Variants in SLC12A4 observed in about 807,000 individuals in gnomAD.
SLC12A4 encodes the protein solute carrier family 12 member 4, also known as electroneutral potassium-chloride cotransporter 1.
A neutral mutation model predicts 119.2 loss-of-function variants in SLC12A4; 84 were observed. The observed-to-expected ratio is 0.70, with a 90% CI of 0.59 to 0.85. SLC12A4 has a LOEUF of 0.85. Among genes scored for constraint, SLC12A4 ranks in the 40% least tolerant of loss-of-function variants. The probability of loss-of-function intolerance (pLI) is 0.00; values close to 1 mark genes in which losing one functional copy is unlikely to be tolerated. For synonymous variants in SLC12A4, 599 were observed against 604.6 expected, an observed-to-expected ratio of 0.99 and a Z score of 0.14; for missense variants, 1,298 against 1,476.3, an observed-to-expected ratio of 0.88 and a Z score of 1.98.
chr16:67,952,385 C>T lies in SLC12A4; in HGVS notation c.716G>A (p.Gly239Asp). The T allele has an allele frequency of 5.6e-6, 9 of 1,614,130 alleles. No individual in the cohort carries two copies. Among genetic ancestry groups the T allele is most frequent in the Non-Finnish European group, 7.6e-6 (9 of 1,180,010 alleles). ...AGTGGCATTCGACGTGTCATGAGCA[C>T]CCGATGGGTAAAAAATGGCAGCTGG... ...APPAAIFYPS[G>D]AHDTSNATLN... The change falls in exon 7 of 24, where the codon GGT (glycine) becomes GAT (aspartate). Residue 239 changes from glycine (G) to aspartate (D), a missense_variant. Physicochemically the swap from Gly to Asp is moderately conservative, Grantham distance 94. Transcript: ENST00000316341.
chr16:67,951,525 G>A lies in SLC12A4; in HGVS notation c.1133-221C>T. 3 of 612,786 alleles carry A rather than the reference G, an allele frequency of 4.9e-6. No homozygotes were observed. The allele number at this position is 612,786 out of a possible 1,614,324, so 38.0% of individuals were successfully genotyped here. A position where few individuals can be genotyped will look rare whatever the true frequency, so the allele number is the denominator to read the frequency against. On this transcript the variant is annotated intron_variant, in intron 8 of 23. Transcript: ENST00000316341. This position sits in a 1 kb window ranked among gnomAD's most constrained non-coding sequence, Gnocchi z 5.2. ...GGTGGCTGAACCACCGTCACCCAGA[G>A]CCCGCCACTGCCCGCCTTCCACAGA...
At chr16:67,964,404 T>C (rs2151340289) in intron 1 of SLC12A4, among the ~76,000 whole-genome samples, 1 of 152,146 alleles carries the variant, frequency 6.6e-6, no homozygotes, top group Admixed American at 6.5e-5. Flanking sequence ...AGCTCGACTG[T>C]TTTTTCTGGC....
At chr16:67,955,426 A>T (rs1278820771) in intron 5 of SLC12A4, among the ~76,000 whole-genome samples, 1 of 152,212 alleles carries the variant, frequency 6.6e-6, no homozygotes, top group East Asian at 1.9e-4. Flanking sequence ...AAATTCTTTC[A>T]AAGAGTCAAT....
At position 67,946,311 on chromosome 16, in the gene SLC12A4, G is replaced by C; in HGVS notation, c.2467C>G (p.Leu823Val). The C allele has an allele frequency of 6.2e-7, 1 of 1,611,902 alleles. No individual in the cohort carries two copies. The highest frequency in any genetic ancestry group is 8.5e-7 in the Non-Finnish European group (1 of 1,180,042). ...ATGTTCTTGGGCACGAGCAGGGCCA[G>C]GTGGGCAGCCGTAGTGCAGCGCACG... ...DTVRCTTAAH[L>V]ALLVPKNIAF... Residue 823 changes from leucine (L) to valine (V), a missense_variant, in exon 19 of 24, where the codon CTG (leucine) becomes GTG (valine). Transcript: ENST00000316341.
At position 67,950,018 on chromosome 16, in the gene SLC12A4, G is replaced by A. The variant is rs1161996435; in HGVS notation, c.1630-100C>T. 2.1e-6 allele frequency: 2 copies of A among 947,368 alleles called. No individual in the cohort carries two copies. The highest frequency in any genetic ancestry group is 4.4e-5 in the Admixed American group (2 of 45,052). The allele number at this position is 947,368 out of a possible 1,614,324, so 58.7% of individuals were successfully genotyped here. A position where few individuals can be genotyped will look rare whatever the true frequency, so the allele number is the denominator to read the frequency against. On this transcript the variant is annotated intron_variant, in intron 12 of 23. Coordinates refer to ENST00000316341, the MANE Select transcript of SLC12A4 (RefSeq NM_005072.5). The surrounding 1 kb of genome is among the most constrained non-coding windows in gnomAD (Gnocchi z 4.3). ...TCCCTCACCCCCAGGGCCCGCCTTG[G>A]GGGCTCAGGCCGCCCCTGTGTCTAT...
rs748854754 is a variant in SLC12A4, at chr16:67,946,175, T to C, written c.2603A>G (p.His868Arg). ...LMLLPFLLRQ[H>R]KVWRKCRMRI... ...TGCACCCACCCCCTGGTCTACCTTATGCTGGCGCAGCAGGAAGGGCAGAAG... is the reference window on the plus strand; with the variant it reads ...TGCACCCACCCCCTGGTCTACCTTACGCTGGCGCAGCAGGAAGGGCAGAAG... Residue 868 changes from histidine (H) to arginine (R), a missense_variant, in exon 19 of 24, where the codon CAT (histidine) becomes CGT (arginine). Coordinates refer to ENST00000316341, the MANE Select transcript of SLC12A4 (RefSeq NM_005072.5). 1.2e-6 allele frequency: 2 copies of C among 1,613,944 alleles called. No individual in the cohort carries two copies. Among genetic ancestry groups the C allele is most frequent in the Admixed American group, 1.7e-5 (1 of 60,032 alleles).
intron 6 of SLC12A4, chr16:67,954,135 G>A (rs1320560865): frequency 7.3e-6 from 3 of 410,734 alleles, no homozygotes; most frequent in East Asian, 8.9e-5. Flanking sequence ...AGTTCACTGG[G>A]GAATGAGAAG....
intron 5 of SLC12A4, chr16:67,957,402 C>T: frequency 3.9e-6 from 1 of 256,168 alleles, no homozygotes; most frequent in Non-Finnish European, 7.8e-6. Flanking sequence ...ATCTCCTGCC[C>T]TTGTGATCCA....
chr16:67,951,441 G>T lies in SLC12A4; in HGVS notation c.1133-137C>A. The stretch of plus-strand genomic sequence containing the variant: ...CTTCAGCCCAATGACTGCAGCGTCA[G>T]CCACAGGGCTACCCTGACCACAGAG... On this transcript the variant is annotated intron_variant, in intron 8 of 23. Transcript: ENST00000316341. The surrounding 1 kb of genome is among the most constrained non-coding windows in gnomAD (Gnocchi z 5.2). The T allele has an allele frequency of 1.1e-6, 1 of 943,484 alleles. No homozygotes were observed. The highest frequency in any genetic ancestry group is 1.6e-5 in the South Asian group (1 of 60,634). 58.4% of individuals were successfully genotyped at this position (943,484 alleles called of 1,614,324 possible).
chr16:67,954,258 C>T (rs2040066888), intron 6 of SLC12A4: 1 of 331,238 alleles, frequency 3.0e-6, no homozygotes, highest in African/African-American at 2.2e-5. Context: ...CTGAAGTGCC[C>T]TGGCACAGAG....
Position 67,968,449 on chromosome 16 carries a change from ATCCAGC to A in SLC12A4, c.99_104del (p.Glu33_Leu34del), listed in dbSNP as rs748785239. On this transcript the variant is annotated inframe_deletion, in exon 1 of 24. Coordinates refer to ENST00000316341, the MANE Select transcript of SLC12A4 (RefSeq NM_005072.5). The stretch of plus-strand genomic sequence containing the variant: ...AGAACGCGCCCTCACCGTCCGAGTC[ATCCAGC>A]TCGGCGCGCTCCCCGTAGTCCACCC... 7.0e-5 allele frequency: 110 copies of A among 1,574,780 alleles called. No homozygotes were observed. Among genetic ancestry groups the A allele is most frequent in the African/African-American group, 5.6e-4 (40 of 71,680 alleles).
intron 1 of SLC12A4, chr16:67,964,009 C>G (rs1016714409): frequency 1.9e-6 from 3 of 1,551,092 alleles, no homozygotes; most frequent in African/African-American, 1.4e-5. Flanking sequence ...AAGCCGCACA[C>G]AGCACCTTCG....
Position 67,950,658 on chromosome 16 carries a change from C to T in SLC12A4, c.1450G>A (p.Asp484Asn), listed in dbSNP as rs766038459. ...GACIEGVVLR[D>N]KYGDGVSRNL... ...AGGGGGGCCCAGCTCACTCACTTGT[C>T]CCGGAGAACCACACCCTCAATGCAG... Residue 484 changes from aspartate to asparagine, a missense_variant, in exon 11 of 24, where the codon GAC (aspartate) becomes AAC (asparagine). Transcript: ENST00000316341. This position sits in a 1 kb window ranked among gnomAD's most constrained non-coding sequence, Gnocchi z 4.3. 1.2e-6 allele frequency: 2 copies of T among 1,612,264 alleles called. No individual in the cohort carries two copies. Among genetic ancestry groups the T allele is most frequent in the Admixed American group, 1.7e-5 (1 of 59,828 alleles).
At chr16:67,955,857 G>A (rs992915769) in intron 5 of SLC12A4, among the ~76,000 whole-genome samples, 2 of 147,994 alleles carry the variant, frequency 1.4e-5, no homozygotes, top group East Asian at 4.0e-4. Context: ...CTAGCCTGGC[G>A]ACAGAGTGAG....
chr16:67,946,796 C>G lies in SLC12A4; in HGVS notation c.2241+141G>C, dbSNP rs559208424. ...AGTTTTCAAGATGGGACTGCTGGCT[C>G]CCCCTTGTGCCAGCTCTCAGGTGGC... On this transcript the variant is annotated intron_variant, in intron 17 of 23. Coordinates refer to ENST00000316341, the MANE Select transcript of SLC12A4 (RefSeq NM_005072.5). 7 of 1,232,398 alleles carry G rather than the reference C, an allele frequency of 5.7e-6. No individual in the cohort carries two copies. The South Asian group carries it at 8.7e-5, about 15-fold the overall frequency. 76.3% of individuals were successfully genotyped at this position (1,232,398 alleles called of 1,614,324 possible).
chr16:67,961,113 CT>C (rs2030537723), intron 3 of SLC12A4, among the ~76,000 whole-genome samples: 1 of 152,138 alleles, frequency 6.6e-6, no homozygotes, highest in Admixed American at 6.5e-5. Flanking sequence ...TCCCACAAAT[CT>C]GTCTCCCATA....
At chr16:67,946,844 G>A (rs2058356498) in intron 17 of SLC12A4, 93 bp downstream of exon 17, 1 of 1,441,356 alleles carries the variant, frequency 6.9e-7, no homozygotes, top group East Asian at 2.3e-5. Context: ...TGCCTGGCTG[G>A]CCACCCTGGC....
rs759371929 is a variant in SLC12A4 at position 67,958,064 on chromosome 16, G to A, written c.343-20C>T. The stretch of plus-strand genomic sequence containing the variant: ...GGGTGCCTATGCGAACACAAAGGGA[G>A]GGGGCGAGTAGAGCATCAGAGGGAT... On this transcript the variant is annotated intron_variant, in intron 3 of 23. Coordinates refer to ENST00000316341, the MANE Select transcript of SLC12A4 (RefSeq NM_005072.5). 1.1e-4 allele frequency: 176 copies of A among 1,610,954 alleles called. No individual in the cohort carries two copies. Among genetic ancestry groups the A allele is most frequent in the Non-Finnish European group, 1.5e-4 (175 of 1,178,262 alleles).
At chr16:67,955,867 G>A (rs1188882868) in intron 5 of SLC12A4, among the ~76,000 whole-genome samples, 3 of 146,648 alleles carry the variant, frequency 2.0e-5, no homozygotes, top group African/African-American at 7.7e-5. Flanking sequence ...GACAGAGTGA[G>A]ACTCCGTCTC....
Sources: allele counts gnomAD v4.1 joint callset (sites outside exome capture counted in the v4.1 genomes callset), GRCh38; gene constraint gnomAD v4.1.1; non-coding constraint Gnocchi (gnomAD v3.1); transcripts MANE v1.5; gene names NCBI Gene and HGNC (gene_info 2026-07-23, HGNC 2026-07-21).